The following KCNMB4 variants were observed in gnomAD, a reference collection of about 807,000 sequenced individuals.
KCNMB4 encodes calcium-activated potassium channel subunit beta-4.
Under a neutral mutation model 20.7 loss-of-function variants are expected in KCNMB4, and 3 were observed. That is an observed-to-expected ratio of 0.14 (90% CI 0.07 to 0.37). The LOEUF is 0.37. Among genes scored for constraint, KCNMB4 ranks in the 10% least tolerant of loss-of-function variants. KCNMB4 has a pLI of 1.00. For synonymous variants in KCNMB4, 110 were observed against 113.4 expected (o/e 0.97, Z 0.19); for missense variants, 168 against 265.9 (o/e 0.63, Z 2.56).
chr12:70,402,797 G>A lies in KCNMB4; in HGVS notation c.464+2461G>A, dbSNP rs541298324. On this transcript the variant is annotated intron_variant, in intron 2 of 2. Transcript: ENST00000258111. ...GCTCCTTTTCAAATCTGGCCTCAAGGTGGCTCTTTTCACAGTTATAATATA... is the reference window on the plus strand; with the variant it reads ...GCTCCTTTTCAAATCTGGCCTCAAGATGGCTCTTTTCACAGTTATAATATA... Among the ~76,000 whole-genome samples the A allele has an allele frequency of 3.3e-5, 5 of 152,202 alleles. 1 individual carries two copies. In the South Asian group the frequency reaches 1.0e-3, roughly 32 times the overall value.
intron 1 of KCNMB4, among the ~76,000 whole-genome samples, chr12:70,370,117 T>C (rs550221522): frequency 6.6e-6 from 1 of 152,226 alleles, no homozygotes; most frequent in South Asian, 2.1e-4. Context: ...GCCTGGGCAT[T>C]GATGTTTTTT....
Position 70,366,351 on chromosome 12 carries a change from T to C in KCNMB4, c.-384T>C, listed in dbSNP as rs905301568. On this transcript the variant is annotated 5_prime_UTR_variant, in exon 1 of 3. An upstream start codon of the reference 5' UTR is lost. Transcript: ENST00000258111. ...CAGCGGAGTAGCGGCCAGCGGGCGA[T>C]GGAGACAGAGAGACACCCGACGAGA... 7.8e-6 allele frequency: 1 copy of C among 128,708 alleles called. No homozygotes were observed. The highest frequency in any genetic ancestry group is 3.0e-5 in the African/African-American group (1 of 33,812). 8.0% of individuals were successfully genotyped at this position (128,708 alleles called of 1,614,324 possible).
chr12:70,378,632 G>A (rs904517784), intron 1 of KCNMB4, among the ~76,000 whole-genome samples: 2 of 152,084 alleles, frequency 1.3e-5, no homozygotes, highest in Non-Finnish European at 2.9e-5. Context: ...TGCCTCCTGG[G>A]TTCAAGTGAT....
chr12:70,424,476 G>A (rs887480911), intron 2 of KCNMB4, among the ~76,000 whole-genome samples: 1 of 146,286 alleles, frequency 6.8e-6, no homozygotes, highest in Admixed American at 7.0e-5. Flanking sequence ...AAGGCTGGGT[G>A]CGGCAGGGCA....
intron 2 of KCNMB4, among the ~76,000 whole-genome samples, chr12:70,407,754 A>G: frequency 6.6e-6 from 1 of 151,668 alleles, no homozygotes; most frequent in Non-Finnish European, 1.5e-5. Context: ...GGCGTGAGCC[A>G]CCGCGCCCAG....
chr12:70,398,904 G>A (rs2136128865), intron 1 of KCNMB4, among the ~76,000 whole-genome samples: 1 of 152,264 alleles, frequency 6.6e-6, no homozygotes, highest in Admixed American at 6.5e-5. Context: ...ACAAATGAGG[G>A]GCACTTAACT....
intron 2 of KCNMB4, among the ~76,000 whole-genome samples, chr12:70,406,605 G>A (rs1399236165): frequency 1.3e-5 from 2 of 152,150 alleles, no homozygotes; most frequent in Non-Finnish European, 2.9e-5. Context: ...TTCCTGCCCT[G>A]GACTGGGAAC....
chr12:70,372,241 C>T (rs541924949), intron 1 of KCNMB4, among the ~76,000 whole-genome samples: 82 of 152,276 alleles, frequency 5.4e-4, no homozygotes, highest in Non-Finnish European at 9.3e-4. Context: ...CTAAAGAACA[C>T]GATACGGACT....
intron 1 of KCNMB4, among the ~76,000 whole-genome samples, chr12:70,371,531 A>G (rs1883595661): frequency 6.6e-6 from 1 of 152,214 alleles, no homozygotes; most frequent in South Asian, 2.1e-4. Context: ...GAACTACATG[A>G]TAAAAGGCTA....
intron 1 of KCNMB4, among the ~76,000 whole-genome samples, chr12:70,390,992 A>G (rs1466412971): frequency 6.6e-6 from 1 of 152,166 alleles, no homozygotes; most frequent in Non-Finnish European, 1.5e-5. Flanking sequence ...GGGAAAGGCT[A>G]GATTTTCAGT....
At chr12:70,423,476 CT>C (rs552748241) in intron 2 of KCNMB4, among the ~76,000 whole-genome samples, 181 of 148,800 alleles carry the variant, frequency 1.2e-3, no homozygotes, top group African/African-American at 3.1e-3. Context: ...TCTTTTTCAT[CT>C]TTTTTTTTTG....
chr12:70,396,075 T>C (rs1868348096), intron 1 of KCNMB4, among the ~76,000 whole-genome samples: 3 of 152,164 alleles, frequency 2.0e-5, no homozygotes, highest in Non-Finnish European at 4.4e-5. Context: ...GCAACAGACT[T>C]GCCTCAACCC....
At chr12:70,390,479 C>T (rs1478569200) in intron 1 of KCNMB4, among the ~76,000 whole-genome samples, 1 of 152,170 alleles carries the variant, frequency 6.6e-6, no homozygotes, top group Non-Finnish European at 1.5e-5. Context: ...TAGTCACTTG[C>T]CAAAGAAAGC....
At chr12:70,387,724 A>G (rs866108912) in intron 1 of KCNMB4, among the ~76,000 whole-genome samples, 2 of 152,186 alleles carry the variant, frequency 1.3e-5, no homozygotes. Flanking sequence ...TAAGAGGTAC[A>G]TGAGATGAGT....
rs764515540 is a variant in KCNMB4, at chr12:70,400,348, T to C, written c.464+12T>C. 9 of 1,602,146 alleles carry C rather than the reference T, an allele frequency of 5.6e-6. No individual in the cohort carries two copies. The South Asian group carries it at 1.0e-4, about 18-fold the overall frequency. On this transcript the variant is annotated intron_variant, in intron 2 of 2. Coordinates refer to ENST00000258111, the MANE Select transcript of KCNMB4 (RefSeq NM_014505.6). Reference sequence around the variant, plus strand: ...AATCAACATCAAAGGTAAGTCAATATTTGCATGTGCGTGTTAAAATTGTTT... The same window carrying C: ...AATCAACATCAAAGGTAAGTCAATACTTGCATGTGCGTGTTAAAATTGTTT...
At chr12:70,407,696 T>C (rs1868648026) in intron 2 of KCNMB4, among the ~76,000 whole-genome samples, 3 of 151,834 alleles carry the variant, frequency 2.0e-5, no homozygotes, top group Admixed American at 2.0e-4. Context: ...CTCGATCTCC[T>C]GACCTCGTGA....
At chr12:70,412,758 A>C (rs1165588479) in intron 2 of KCNMB4, among the ~76,000 whole-genome samples, 1 of 152,320 alleles carries the variant, frequency 6.6e-6, no homozygotes, top group African/African-American at 2.4e-5. Context: ...GATTTGGAAC[A>C]AATTCCAGAG....
intron 2 of KCNMB4, among the ~76,000 whole-genome samples, chr12:70,423,476 C>CT (rs552748241): frequency 0.03 from 4,441 of 148,816 alleles, 76 homozygotes; most frequent in South Asian, 0.043. Flanking sequence ...TCTTTTTCAT[C>CT]TTTTTTTTTT....
At chr12:70,409,811 A>G (rs765380802) in intron 2 of KCNMB4, among the ~76,000 whole-genome samples, 4 of 152,224 alleles carry the variant, frequency 2.6e-5, no homozygotes, top group Non-Finnish European at 5.9e-5. Flanking sequence ...GCAGCAAAAA[A>G]GAGCTTGGTG....
Sources: gnomAD v4.1 joint callset for allele counts (sites outside exome capture counted in the v4.1 genomes callset) on GRCh38, gnomAD v4.1.1 for gene constraint, MANE v1.5 for transcripts, NCBI Gene and HGNC (gene_info 2026-07-23, HGNC 2026-07-21) for gene names.